TBC1D2: variants seen among roughly 807,000 people sequenced by gnomAD.
TBC1D2 encodes the protein TBC1 domain family member 2A.
TBC1D2 carries 58 observed loss-of-function variants against 91.1 expected under a neutral mutation model. That is an observed-to-expected ratio of 0.64 (90% CI 0.52 to 0.79). TBC1D2 has a LOEUF of 0.79. Among genes scored for constraint, TBC1D2 ranks in the 30% least tolerant of loss-of-function variants. The pLI is 0.00. For missense variants in TBC1D2, 1,080 were observed against 1,208.3 expected (o/e 0.89, Z 1.57); for synonymous variants, 482 against 511.5 (o/e 0.94, Z 0.78).
intron 5 of TBC1D2, among the ~76,000 whole-genome samples, chr9:98,224,999 C>A (rs1285971201): frequency 1.3e-5 from 2 of 152,242 alleles, no homozygotes; most frequent in Non-Finnish European, 2.9e-5. Flanking sequence ...CCTCCCAGCC[C>A]TCTTTCATGT....
At chr9:98,233,298 A>G (rs1354847889) in intron 4 of TBC1D2, 118 bp downstream of exon 4, 40 of 1,385,546 alleles carry the variant, frequency 2.9e-5, no homozygotes, top group Non-Finnish European at 3.6e-5. Context: ...AAGTAGCCCA[A>G]GCCAACTAAG....
At chr9:98,249,063 G>A (rs927370068) in intron 2 of TBC1D2, among the ~76,000 whole-genome samples, 4 of 152,130 alleles carry the variant, frequency 2.6e-5, no homozygotes, top group South Asian at 2.1e-4. Flanking sequence ...GGGTGGAGGC[G>A]GGCGAGGTGG....
chr9:98,224,917 C>T (rs1407314177), intron 5 of TBC1D2, among the ~76,000 whole-genome samples: 1 of 152,162 alleles, frequency 6.6e-6, no homozygotes, highest in African/African-American at 2.4e-5. Context: ...GCTTCCTCTT[C>T]TGCTCAGAAC....
At chr9:98,222,669 G>A (rs1366488060) in intron 5 of TBC1D2, among the ~76,000 whole-genome samples, 1 of 152,208 alleles carries the variant, frequency 6.6e-6, no homozygotes. Context: ...CCAGGTCCAC[G>A]TGGAACTAAT....
intron 9 of TBC1D2, among the ~76,000 whole-genome samples, chr9:98,204,844 C>T (rs558384832): frequency 2.6e-5 from 4 of 152,196 alleles, no homozygotes; most frequent in South Asian, 2.1e-4. Context: ...GGATAGCAAA[C>T]GTGAGATACA....
chr9:98,210,275 C>T (rs1828796339), intron 8 of TBC1D2, among the ~76,000 whole-genome samples: 1 of 152,198 alleles, frequency 6.6e-6, no homozygotes, highest in Admixed American at 6.5e-5. Flanking sequence ...AGCCACCCTC[C>T]TTTCTGTTAT....
rs1829503904 is a variant in TBC1D2 at position 98,236,333 on chromosome 9, C to G, written c.648-2784G>C. Among the ~76,000 whole-genome samples, 4 of 152,074 alleles carry G rather than the reference C, an allele frequency of 2.6e-5. No individual in the cohort carries two copies. The South Asian group carries it at 6.2e-4, about 24-fold the overall frequency. On this transcript the variant is annotated intron_variant, in intron 3 of 12. Coordinates refer to ENST00000465784, the MANE Select transcript of TBC1D2 (RefSeq NM_001267571.2). The stretch of plus-strand genomic sequence containing the variant: ...CCACCTCCCAGGCTCAAGCGATTCT[C>G]CTGCCTCAGCCTGCCGAGTAGCTGG...
At chr9:98,226,444 C>T (rs1001356243) in intron 5 of TBC1D2, among the ~76,000 whole-genome samples, 1 of 152,190 alleles carries the variant, frequency 6.6e-6, no homozygotes, top group Non-Finnish European at 1.5e-5. Flanking sequence ...GTGCCAGGTA[C>T]TGGGCTTTAT....
At chr9:98,221,702 C>T (rs1829106390) in intron 5 of TBC1D2, among the ~76,000 whole-genome samples, 1 of 152,102 alleles carries the variant, frequency 6.6e-6, no homozygotes, top group South Asian at 2.1e-4. Flanking sequence ...AATGAGAAAC[C>T]TCTCACTCGT....
chr9:98,200,573 G>T (rs535780630), intron 11 of TBC1D2, among the ~76,000 whole-genome samples, 199 bp from the exon 12 acceptor site: 1 of 149,632 alleles, frequency 6.7e-6, no homozygotes, highest in Non-Finnish European at 1.5e-5. Flanking sequence ...GTGGGGGGGC[G>T]GGGGAAGGGA....
intron 3 of TBC1D2, 151 bp downstream of exon 3, chr9:98,243,843 A>G (rs1829704534): frequency 2.6e-6 from 3 of 1,158,764 alleles, no homozygotes; most frequent in Non-Finnish European, 3.6e-6. Flanking sequence ...GGCCAAATGT[A>G]ATATTTTAAA....
intron 11 of TBC1D2, among the ~76,000 whole-genome samples, 191 bp from the exon 12 acceptor site, chr9:98,200,565 G>A (rs1041993773): frequency 2.0e-5 from 3 of 151,640 alleles, no homozygotes; most frequent in Non-Finnish European, 2.9e-5. Flanking sequence ...GCGGGGTGGT[G>A]GGGGGGCGGG....
At chr9:98,217,860 G>A (rs1829006361) in intron 6 of TBC1D2, among the ~76,000 whole-genome samples, 1 of 152,022 alleles carries the variant, frequency 6.6e-6, no homozygotes. Context: ...GACTATGGCG[G>A]GTGCCTTCAT....
chr9:98,248,068 G>A (rs12004336), intron 2 of TBC1D2, among the ~76,000 whole-genome samples: 10,973 of 152,268 alleles, frequency 0.072, 717 homozygotes, highest in African/African-American at 0.18. Flanking sequence ...GCCACTCAGA[G>A]AGGTTGAGTT....
At chr9:98,206,503 G>A (rs1410598115) in intron 9 of TBC1D2, among the ~76,000 whole-genome samples, 1 of 152,074 alleles carries the variant, frequency 6.6e-6, no homozygotes, top group Non-Finnish European at 1.5e-5. Context: ...TGCCCCTCCT[G>A]CCATAGGATT....
intron 8 of TBC1D2, among the ~76,000 whole-genome samples, chr9:98,209,990 C>CTT (rs756153569): frequency 4.3e-5 from 6 of 140,662 alleles, no homozygotes; most frequent in African/African-American, 1.3e-4. Flanking sequence ...CACCACTCTT[C>CTT]TTTTTTTTTT....
At chr9:98,253,172 A>G (rs533229936) in intron 1 of TBC1D2, among the ~76,000 whole-genome samples, 1 of 152,284 alleles carries the variant, frequency 6.6e-6, no homozygotes, top group South Asian at 2.1e-4. Flanking sequence ...GCCAACACAC[A>G]TGGTCCCTGT....
In TBC1D2 at chr9:98,222,765, T is replaced by C. The variant is rs532846413; in HGVS notation, c.979-1537A>G. ...CATGGTTTCCTAGAGACATGTCAACTATACCACACCAAAGTATTAAAATGA... is the reference window on the plus strand; with the variant it reads ...CATGGTTTCCTAGAGACATGTCAACCATACCACACCAAAGTATTAAAATGA... On this transcript the variant is annotated intron_variant, in intron 5 of 12. Coordinates refer to ENST00000465784, the MANE Select transcript of TBC1D2 (RefSeq NM_001267571.2). Among the ~76,000 whole-genome samples the C allele has an allele frequency of 8.3e-4, 127 of 152,370 alleles. 3 individuals are homozygous for C. The South Asian group carries it at 0.025, about 30-fold the overall frequency.
chr9:98,212,650 C>T (rs911371991), intron 7 of TBC1D2, among the ~76,000 whole-genome samples: 2 of 152,160 alleles, frequency 1.3e-5, no homozygotes, highest in South Asian at 2.1e-4. Flanking sequence ...TGCAGGCGCC[C>T]GCCACCATGC....
Sources: allele counts gnomAD v4.1 joint callset (sites outside exome capture counted in the v4.1 genomes callset), GRCh38; gene constraint gnomAD v4.1.1; transcripts MANE v1.5; gene names NCBI Gene and HGNC (gene_info 2026-07-23, HGNC 2026-07-21).